Variants in PGLYRP4 observed in about 807,000 individuals in gnomAD.
PGLYRP4 encodes the protein PGRP-I-beta.
In PGLYRP4, 39 loss-of-function variants were observed where a neutral mutation model predicts 41.2. That is an observed-to-expected ratio of 0.95 (90% confidence interval 0.73 to 1.24). The LOEUF is 1.24. Ranked by LOEUF, PGLYRP4 falls within the 50% of genes most tolerant of loss-of-function variation. The pLI, the probability that PGLYRP4 is intolerant of heterozygous loss-of-function variation, is 0.00. For missense variants in PGLYRP4, 467 were observed against 460.7 expected, an observed-to-expected ratio of 1.01 and a Z score of -0.13; for synonymous variants, 202 against 186.8, an observed-to-expected ratio of 1.08 and a Z score of -0.66.
intron 4 of PGLYRP4, 28 bp downstream of exon 4, chr1:153,345,141 T>C (rs552750337): frequency 1.3e-6 from 2 of 1,564,248 alleles, no homozygotes; most frequent in South Asian, 1.1e-5. Flanking sequence ...ACTGACCATG[T>C]GCCGTGGGAC....
intron 8 of PGLYRP4, among the ~76,000 whole-genome samples, chr1:153,332,596 C>T (rs1170049150): frequency 1.3e-5 from 2 of 152,096 alleles, no homozygotes; most frequent in Non-Finnish European, 2.9e-5. Context: ...CTTCTGCACA[C>T]AGAACAGTCT....
At chr1:153,347,111 G>A (rs1164287658) in intron 2 of PGLYRP4, among the ~76,000 whole-genome samples, 1 of 152,070 alleles carries the variant, frequency 6.6e-6, no homozygotes, top group East Asian at 1.9e-4. Context: ...CTCTCACTCT[G>A]TCACCAGGCT....
rs200994920 is a variant in PGLYRP4, at chr1:153,341,639, T to C, written c.613A>G (p.Ser205Gly). ...ENCLAPRQKTSLKKACPGVVP... is the reference protein window; with the variant it reads ...ENCLAPRQKTGLKKACPGVVP... ...AGAAAGGTCTTACCCTTCTTCAGGC[T>C]TGTCTTCTGCCGAGGGGCCAGGCAG... The change falls in exon 6 of 9, where the codon AGC becomes GGC. Residue 205 changes from serine to glycine, a missense_variant. Coordinates refer to ENST00000359650, the MANE Select transcript of PGLYRP4 (RefSeq NM_020393.4). The C allele has an allele frequency of 6.2e-7, 1 of 1,612,540 alleles. No homozygotes were observed. Among genetic ancestry groups the C allele is most frequent in the Non-Finnish European group, 8.5e-7 (1 of 1,179,682 alleles).
chr1:153,343,323 G>A, intron 4 of PGLYRP4, 115 bp from the exon 5 acceptor site: 1 of 675,878 alleles, frequency 1.5e-6, no homozygotes, highest in East Asian at 2.6e-5. Flanking sequence ...TCACTAAAAG[G>A]AATTTGCATG....
At position 153,337,167 on chromosome 1, in the gene PGLYRP4, A is replaced by C. The variant is rs1222996999; in HGVS notation, c.943+14T>G. The C allele has an allele frequency of 6.5e-7, 1 of 1,532,504 alleles. No individual in the cohort carries two copies. Among genetic ancestry groups the C allele is most frequent in the Middle Eastern group, 1.7e-4 (1 of 5,872 alleles). 94.9% of individuals were successfully genotyped at this position (1,532,504 alleles called of 1,614,324 possible). ...TACCATGCAATGACCCTACTGACCA[A>C]AGCATCCACTTACCTGTGAAGGTGC... On this transcript the variant is annotated intron_variant, in intron 8 of 8. Transcript: ENST00000359650.
chr1:153,339,231 C>T (rs963626582), intron 7 of PGLYRP4, among the ~76,000 whole-genome samples: 1 of 152,232 alleles, frequency 6.6e-6, no homozygotes, highest in Admixed American at 6.5e-5. Flanking sequence ...ATTTACAGTC[C>T]ATTTTCAGGT....
rs879916541 is a variant in PGLYRP4 at position 153,330,936 on chromosome 1, G to T, written c.953C>A (p.Pro318His). Residue 318 changes from proline (P) to histidine (H), a missense_variant, in exon 9 of 9, where the codon CCC becomes CAC. Pro to His is a moderately conservative substitution (Grantham distance 77, BLOSUM62 -2). Transcript: ENST00000359650. The stretch of plus-strand genomic sequence containing the variant: ...GGCTGCCTCTAGTGCTGCAGCATTG[G>T]GTGGTATACCTGCAAAACACAGCAG... Reference protein sequence around the residue: ...TFMGTFTGIPPNAAALEAAQD... With the variant: ...TFMGTFTGIPHNAAALEAAQD... The T allele has an allele frequency of 3.1e-6, 5 of 1,612,646 alleles. No individual in the cohort carries two copies. In the Admixed American group the frequency reaches 5.0e-5, roughly 16 times the overall value.
rs199602606 is a variant in PGLYRP4, at chr1:153,330,850, C to T, written c.1039G>A (p.Gly347Ser). The T allele has an allele frequency of 3.9e-4, 637 of 1,613,936 alleles. No homozygotes were observed. Among genetic ancestry groups the T allele is most frequent in the Non-Finnish European group, 5.1e-4 (596 of 1,179,918 alleles). Residue 347 changes from glycine to serine, a missense_variant, in exon 9 of 9, where the codon GGC (glycine) becomes AGC (serine). Transcript: ENST00000359650. The part of the protein sequence containing the change: ...GYLTPNYLLV[G>S]HSDVARTLSP... ...AAGGTTCGGGCCACATCACTGTGGCCCACCAGCAGGTAGTTGGGAGTCAGG... is the reference window on the plus strand; with the variant it reads ...AAGGTTCGGGCCACATCACTGTGGCTCACCAGCAGGTAGTTGGGAGTCAGG...
chr1:153,339,533 C>G (rs974557157), intron 7 of PGLYRP4, among the ~76,000 whole-genome samples: 1 of 152,172 alleles, frequency 6.6e-6, no homozygotes. Context: ...CTACCAGTAG[C>G]TTTTTCTGAG....
At chr1:153,333,089 A>G (rs1033302229) in intron 8 of PGLYRP4, among the ~76,000 whole-genome samples, 1 of 151,782 alleles carries the variant, frequency 6.6e-6, no homozygotes, top group Non-Finnish European at 1.5e-5. Context: ...TATGAGACCA[A>G]AAAAAAAGAA....
intron 8 of PGLYRP4, 89 bp from the exon 9 acceptor site, chr1:153,331,034 C>T (rs1267240854): frequency 1.4e-5 from 15 of 1,073,836 alleles, no homozygotes; most frequent in Middle Eastern, 2.1e-4. Context: ...CATCACCAAG[C>T]TAATAGATTC....
chr1:153,348,130 T>C (rs1661095912), intron 1 of PGLYRP4, among the ~76,000 whole-genome samples, 152 bp from the exon 2 acceptor site: 1 of 152,196 alleles, frequency 6.6e-6, no homozygotes. Context: ...GCCCCCAGCA[T>C]ACAGCAGGTG....
At chr1:153,333,237 A>G (rs1241346744) in intron 8 of PGLYRP4, among the ~76,000 whole-genome samples, 3 of 152,178 alleles carry the variant, frequency 2.0e-5, no homozygotes, top group Non-Finnish European at 4.4e-5. Flanking sequence ...TAAAGGTTGC[A>G]TTACAGTTGA....
Position 153,330,481 on chromosome 1 carries a change from C to A in PGLYRP4, c.*286G>T. ...GAGAGAGAAATGAAACAAGAACCAG[C>A]CCATTGTCTCACCTGGCTGAGGAGT... On this transcript the variant is annotated 3_prime_UTR_variant, in exon 9 of 9. Transcript: ENST00000359650. 1 of 238,082 alleles carries A rather than the reference C, an allele frequency of 4.2e-6. No homozygotes were observed. Among genetic ancestry groups the A allele is most frequent in the Non-Finnish European group, 8.4e-6 (1 of 119,306 alleles). 14.7% of individuals were successfully genotyped at this position (238,082 alleles called of 1,614,324 possible). A position where few individuals can be genotyped will look rare whatever the true frequency, so the allele number is the denominator to read the frequency against.
intron 8 of PGLYRP4, among the ~76,000 whole-genome samples, chr1:153,336,391 A>C (rs1365385139): frequency 6.9e-6 from 1 of 145,132 alleles, no homozygotes; most frequent in Non-Finnish European, 1.5e-5. Context: ...AAAAAAAAAA[A>C]ACAAAGAAAG....
At chr1:153,340,744 A>G (rs191177556) in intron 6 of PGLYRP4, among the ~76,000 whole-genome samples, 165 bp from the exon 7 acceptor site, 80 of 150,814 alleles carry the variant, frequency 5.3e-4, no homozygotes, top group African/African-American at 1.8e-3. Context: ...ACTTGAGAGC[A>G]GACAGTGTCC....
chr1:153,344,230 T>C (rs567845335), intron 4 of PGLYRP4, among the ~76,000 whole-genome samples: 7 of 152,370 alleles, frequency 4.6e-5, no homozygotes, highest in African/African-American at 1.7e-4. Context: ...AGTCCTCGAC[T>C]GTCGAGCCAC....
Position 153,347,884 on chromosome 1 carries a change from C to G in PGLYRP4, c.49G>C (p.Gly17Arg). 2 of 1,612,234 alleles carry G rather than the reference C, an allele frequency of 1.2e-6. No individual in the cohort carries two copies. Among genetic ancestry groups the G allele is most frequent in the Non-Finnish European group, 1.7e-6 (2 of 1,178,510 alleles). Reference protein sequence around the residue: ...VFSALGIQAWGDSSWNKTQAK... With the variant: ...VFSALGIQAWRDSSWNKTQAK... The stretch of plus-strand genomic sequence containing the variant: ...TTTGGCCCAGGGAAAGAAAACTTAC[C>G]CCAGGCCTGGATACCCAGAGCAGAG... The change falls in exon 2 of 9, where the codon GGT becomes CGT. Residue 17 changes from glycine to arginine, a missense_variant and splice_region_variant. Transcript: ENST00000359650.
intron 8 of PGLYRP4, among the ~76,000 whole-genome samples, chr1:153,333,300 A>G (rs973585108): frequency 6.6e-6 from 1 of 152,196 alleles, no homozygotes; most frequent in Non-Finnish European, 1.5e-5. Context: ...ATCTCTATGC[A>G]TATAAACTAA....
Sources: gnomAD v4.1 joint callset for allele counts (sites outside exome capture counted in the v4.1 genomes callset) on GRCh38, gnomAD v4.1.1 for gene constraint, MANE v1.5 for transcripts, NCBI Gene and HGNC (gene_info 2026-07-23, HGNC 2026-07-21) for gene names.